MACROD1: variants seen among roughly 807,000 people sequenced by gnomAD.
MACROD1 encodes ADP-ribose glycohydrolase MACROD1.
In MACROD1, 31 loss-of-function variants were observed where a neutral mutation model predicts 41.4. The observed-to-expected ratio is 0.75, with a 90% CI of 0.56 to 1.01. MACROD1 has a LOEUF of 1.01. Among genes scored for constraint, MACROD1 ranks in the 50% least tolerant of loss-of-function variants. The pLI, the probability that MACROD1 is intolerant of heterozygous loss-of-function variation, is 0.00. For missense variants in MACROD1, 473 were observed against 460.0 expected (o/e 1.03, Z -0.26); for synonymous variants, 252 against 203.4 (o/e 1.24, Z -2.03).
At chr11:64,116,330 C>T (rs761333676) in intron 3 of MACROD1, 16 of 1,610,690 alleles carry the variant, frequency 9.9e-6, no homozygotes, top group East Asian at 2.2e-5. Flanking sequence ...TCACGGCCAC[C>T]GTTGTGATGA....
chr11:64,134,376 A>G (rs1270550916), intron 3 of MACROD1, among the ~76,000 whole-genome samples: 1 of 152,210 alleles, frequency 6.6e-6, no homozygotes, highest in Non-Finnish European at 1.5e-5. Context: ...CCAGGCCCAG[A>G]GAAACCCCAG....
chr11:64,125,133 T>A (rs1017624598), intron 3 of MACROD1, among the ~76,000 whole-genome samples: 1 of 146,942 alleles, frequency 6.8e-6, no homozygotes, highest in African/African-American at 2.5e-5. Context: ...GCCCGGCCTG[T>A]GCCAGGAGAG....
chr11:64,041,030 C>T (rs115507774), intron 3 of MACROD1, among the ~76,000 whole-genome samples: 382 of 151,916 alleles, frequency 2.5e-3, no homozygotes, highest in African/African-American at 8.8e-3. Context: ...ATGGCTTATA[C>T]TTAATTAAAA....
At chr11:64,130,298 C>T (rs1392336419) in intron 3 of MACROD1, among the ~76,000 whole-genome samples, 1 of 152,200 alleles carries the variant, frequency 6.6e-6, no homozygotes, top group African/African-American at 2.4e-5. Context: ...TCTGTTTTGT[C>T]AGACTCAGGA....
chr11:64,069,798 G>A lies in MACROD1; in HGVS notation c.518-54517C>T, dbSNP rs567092131. Among the ~76,000 whole-genome samples, 5 of 152,354 alleles carry A rather than the reference G, an allele frequency of 3.3e-5. No homozygotes were observed. In the South Asian group the frequency reaches 1.0e-3, roughly 32 times the overall value. ...CCGCACGCTGCCGGCCACTGCAGAC[G>A]CAGCAGACGCAACAGGCTTCTTATC... On this transcript the variant is annotated intron_variant, in intron 3 of 10. Coordinates refer to ENST00000255681, the MANE Select transcript of MACROD1 (RefSeq NM_014067.4).
intron 3 of MACROD1, among the ~76,000 whole-genome samples, chr11:64,100,237 A>G (rs1473153967): frequency 6.6e-6 from 1 of 152,182 alleles, no homozygotes; most frequent in Admixed American, 6.5e-5. Context: ...GTATGGGCAG[A>G]TTCGGCCAAA....
rs1943390484 is a variant in MACROD1 at position 64,036,814 on chromosome 11, C to T, written c.518-21533G>A. ...GCCTGGGCGGGGGGCGGCGGGCACC[C>T]CCCATCCCCCAGCTCTCAAGACAAG... On this transcript the variant is annotated intron_variant, in intron 3 of 10. Transcript: ENST00000255681. This position sits in a 1 kb window ranked among gnomAD's most constrained non-coding sequence, Gnocchi z 5.6. 6.6e-6 allele frequency among the ~76,000 whole-genome samples: 1 copy of T among 152,168 alleles called. No individual in the cohort carries two copies. Among genetic ancestry groups the T allele is most frequent in the Non-Finnish European group, 1.5e-5 (1 of 68,014 alleles).
intron 3 of MACROD1, among the ~76,000 whole-genome samples, chr11:64,023,714 G>A (rs1000699249): frequency 6.6e-6 from 1 of 151,664 alleles, no homozygotes; most frequent in Non-Finnish European, 1.5e-5. Flanking sequence ...TCCTTTCCCC[G>A]ACTCCCCTGT....
intron 1 of MACROD1, among the ~76,000 whole-genome samples, chr11:64,155,761 C>T (rs1045358205): frequency 3.3e-5 from 5 of 152,030 alleles, no homozygotes; most frequent in Non-Finnish European, 5.9e-5. Flanking sequence ...CCCAGGAGTT[C>T]GAGACCAGCC....
chr11:64,060,954 C>G (rs1590854113), intron 3 of MACROD1, among the ~76,000 whole-genome samples: 1 of 151,724 alleles, frequency 6.6e-6, no homozygotes, highest in African/African-American at 2.4e-5. Context: ...GCGGCGGCGG[C>G]GGGGCTCCCG....
At chr11:64,016,850 G>A (rs1203482597) in intron 3 of MACROD1, among the ~76,000 whole-genome samples, 1 of 152,248 alleles carries the variant, frequency 6.6e-6, no homozygotes, top group Non-Finnish European at 1.5e-5. Flanking sequence ...GGAGCTGGAG[G>A]GAGAGCAGGA....
Position 63,998,944 on chromosome 11 carries a change from G to C in MACROD1, c.973+11C>G, listed in dbSNP as rs1176664444. ...GCAGGGGCGGGCCGTGGGGCGGCGC[G>C]GGGCACGTACCCACGGGGAAGTAGT... On this transcript the variant is annotated intron_variant, in intron 9 of 10. Transcript: ENST00000255681. 1 of 1,579,708 alleles carries C rather than the reference G, an allele frequency of 6.3e-7. No individual in the cohort carries two copies. The highest frequency in any genetic ancestry group is 8.6e-7 in the Non-Finnish European group (1 of 1,165,904).
At chr11:64,016,631 G>A (rs924871347) in intron 3 of MACROD1, among the ~76,000 whole-genome samples, 1 of 152,262 alleles carries the variant, frequency 6.6e-6, no homozygotes, top group Non-Finnish European at 1.5e-5. Flanking sequence ...ACAGCTCTTC[G>A]CTTGGGGAAT....
intron 3 of MACROD1, among the ~76,000 whole-genome samples, chr11:64,021,054 G>A (rs561657310): frequency 3.3e-5 from 5 of 152,200 alleles, no homozygotes; most frequent in South Asian, 2.1e-4. Flanking sequence ...TCCTGCCCTC[G>A]GGTGTCTCCC....
Position 64,031,474 on chromosome 11 carries a change from TCC to T in MACROD1, c.518-16195_518-16194del, listed in dbSNP as rs1177475511. 7.6e-3 allele frequency among the ~76,000 whole-genome samples: 943 copies of T among 123,672 alleles called. 14 individuals are homozygous for T. The highest frequency in any genetic ancestry group is 0.025 in the African/African-American group (805 of 32,536). The allele number at this position is 123,672 out of a possible 152,430, so 81.1% of individuals were successfully genotyped here. A position where few individuals can be genotyped will look rare whatever the true frequency, so the allele number is the denominator to read the frequency against. ...AGCCTGCCTGCCTGCCTGCCTGCCT[TCC>T]TTTTTTTTTTTTTTTTTTTGTGACG... is the stretch of plus-strand genomic sequence containing the variant. On this transcript the variant is annotated intron_variant, in intron 3 of 10. Transcript: ENST00000255681.
intron 3 of MACROD1, among the ~76,000 whole-genome samples, chr11:64,143,743 G>GACACACACACACAC (rs1355483787): frequency 2.1e-4 from 15 of 71,504 alleles, no homozygotes; most frequent in African/African-American, 1.1e-3. Context: ...CCCCAACCCC[G>GACACACACACACAC]ACACACACAT....
At chr11:64,071,495 G>C (rs1944106774) in intron 3 of MACROD1, among the ~76,000 whole-genome samples, 1 of 152,172 alleles carries the variant, frequency 6.6e-6, no homozygotes. Flanking sequence ...TGTCCCCTTG[G>C]CCAGCTCGCC....
Position 64,148,879 on chromosome 11 carries a change from G to A in MACROD1, c.517+2360C>T, listed in dbSNP as rs554782212. ...AGGCCACCCAGGACCCTGGAGGCCT[G>A]ACCAGTGCCAAAGCCACTTTGAACG... On this transcript the variant is annotated intron_variant, in intron 3 of 10. Coordinates refer to ENST00000255681, the MANE Select transcript of MACROD1 (RefSeq NM_014067.4). 51 of 985,558 alleles carry A rather than the reference G, an allele frequency of 5.2e-5. No homozygotes were observed. The African/African-American group carries it at 8.4e-4, about 16-fold the overall frequency. The allele number at this position is 985,558 out of a possible 1,614,324, so 61.1% of individuals were successfully genotyped here. A position where few individuals can be genotyped will look rare whatever the true frequency, so the allele number is the denominator to read the frequency against.
In MACROD1 at chr11:64,000,347, C is replaced by A. The variant is rs1190370412; in HGVS notation, c.548-4G>T. Reference sequence around the variant, plus strand: ...GCCCGATGAATGCAGCCGTCCACTGCGGGAAGGGCGGGCGCGACTGAGCTG... The same window carrying A: ...GCCCGATGAATGCAGCCGTCCACTGAGGGAAGGGCGGGCGCGACTGAGCTG... On this transcript the variant is annotated splice_polypyrimidine_tract_variant and splice_region_variant and intron_variant, in intron 4 of 10. Coordinates refer to ENST00000255681, the MANE Select transcript of MACROD1 (RefSeq NM_014067.4). 6.4e-7 allele frequency: 1 copy of A among 1,555,668 alleles called. No individual in the cohort carries two copies. The highest frequency in any genetic ancestry group is 8.7e-7 in the Non-Finnish European group (1 of 1,151,656).
Sources: allele counts gnomAD v4.1 joint callset (sites outside exome capture counted in the v4.1 genomes callset), GRCh38; gene constraint gnomAD v4.1.1; non-coding constraint Gnocchi (gnomAD v3.1); transcripts MANE v1.5; gene names NCBI Gene and HGNC (gene_info 2026-07-23, HGNC 2026-07-21).